The following TMEM178B variants were observed in gnomAD, a reference collection of about 807,000 sequenced individuals.
TMEM178B encodes transmembrane protein 178B.
TMEM178B carries 5 observed loss-of-function variants against 31.0 expected under a neutral mutation model. The ratio of observed to expected loss-of-function variants is 0.16; its 90% CI spans 0.08 to 0.34. The LOEUF (loss-of-function observed/expected upper bound fraction) is 0.34, where lower values mean the gene tolerates loss of function less well. TMEM178B is among the 10% of genes least tolerant of loss of function. TMEM178B has a pLI of 1.00. For synonymous variants in TMEM178B, 164 were observed against 164.0 expected, an observed-to-expected ratio of 1.00 and a Z score of 0.00; for missense variants, 275 against 400.3, an observed-to-expected ratio of 0.69 and a Z score of 2.67.
At chr7:141,453,725 G>A (rs537407597) in intron 3 of TMEM178B, among the ~76,000 whole-genome samples, 2 of 152,316 alleles carry the variant, frequency 1.3e-5, no homozygotes, top group East Asian at 1.9e-4. Context: ...ATTGCCCCTC[G>A]AAGGGCTTTC....
intron 1 of TMEM178B, among the ~76,000 whole-genome samples, chr7:141,177,871 C>A (rs909049169): frequency 2.0e-5 from 3 of 152,184 alleles, no homozygotes; most frequent in African/African-American, 4.8e-5. Context: ...ATACAGCACA[C>A]TGATAGGTCT....
intron 2 of TMEM178B, among the ~76,000 whole-genome samples, chr7:141,435,773 A>C (rs1432353638): frequency 5.9e-5 from 9 of 152,232 alleles, no homozygotes; most frequent in Admixed American, 5.2e-4. Flanking sequence ...CATGATAATC[A>C]GGCACCCTGG....
At chr7:141,197,952 G>T (rs1796811525) in intron 1 of TMEM178B, among the ~76,000 whole-genome samples, 1 of 152,148 alleles carries the variant, frequency 6.6e-6, no homozygotes, top group South Asian at 2.1e-4. Flanking sequence ...TCAAGTTTTA[G>T]CTAAGGCATA....
At chr7:141,491,489 A>G in the TMEM178B span, among the ~76,000 whole-genome samples, 1 of 152,098 alleles carries the variant, frequency 6.6e-6, no homozygotes, top group African/African-American at 2.4e-5. Flanking sequence ...ACATATTTTT[A>G]TTGAGGGAAA....
At chr7:141,418,509 A>G (rs111786062) in intron 2 of TMEM178B, among the ~76,000 whole-genome samples, 2,527 of 152,310 alleles carry the variant, frequency 0.017, 84 homozygotes, top group African/African-American at 0.058. Context: ...CTTATGTCTT[A>G]TTTGATCCCA....
intron 2 of TMEM178B, among the ~76,000 whole-genome samples, chr7:141,306,125 A>G (rs1798811754): frequency 6.6e-6 from 1 of 152,220 alleles, no homozygotes; most frequent in African/African-American, 2.4e-5. Context: ...TTGAATTCAC[A>G]TTCCAGATTC....
chr7:141,193,068 C>T (rs1275508894), intron 1 of TMEM178B, among the ~76,000 whole-genome samples: 1 of 152,222 alleles, frequency 6.6e-6, no homozygotes, highest in Non-Finnish European at 1.5e-5. Context: ...TTACCTCCAA[C>T]TCCTCTGCCC....
intron 2 of TMEM178B, among the ~76,000 whole-genome samples, chr7:141,426,893 A>G (rs1263314352): frequency 6.6e-6 from 1 of 152,182 alleles, no homozygotes; most frequent in Non-Finnish European, 1.5e-5. Flanking sequence ...CAAAATCAAC[A>G]TACAAAAACC....
intron 1 of TMEM178B, among the ~76,000 whole-genome samples, chr7:141,119,776 G>A (rs1324212134): frequency 6.6e-6 from 1 of 152,112 alleles, no homozygotes; most frequent in African/African-American, 2.4e-5. Flanking sequence ...GAATGTGAGA[G>A]GGCTTTGGAT....
intron 2 of TMEM178B, among the ~76,000 whole-genome samples, chr7:141,436,510 G>C (rs1801543689): frequency 6.6e-6 from 1 of 152,160 alleles, no homozygotes; most frequent in African/African-American, 2.4e-5. Context: ...TGGGTGGAGA[G>C]AGGGCCCAGG....
intron 2 of TMEM178B, among the ~76,000 whole-genome samples, chr7:141,360,681 G>A (rs1388521099): frequency 2.0e-5 from 3 of 152,202 alleles, no homozygotes; most frequent in Non-Finnish European, 4.4e-5. Flanking sequence ...GTAGGATAAA[G>A]AAACAACTTC....
intron 1 of TMEM178B, among the ~76,000 whole-genome samples, chr7:141,157,404 C>T (rs997755389): frequency 6.7e-6 from 1 of 150,226 alleles, no homozygotes; most frequent in Non-Finnish European, 1.5e-5. Flanking sequence ...AACAGATCCT[C>T]TCTTTCCTAC....
At chr7:141,348,762 C>T (rs767541356) in intron 2 of TMEM178B, among the ~76,000 whole-genome samples, 28 of 152,226 alleles carry the variant, frequency 1.8e-4, no homozygotes, top group Non-Finnish European at 3.1e-4. Context: ...CCTGAGTGGA[C>T]GGCTGATTTT....
In TMEM178B at chr7:141,166,029, C is replaced by T. The variant is rs557026594; in HGVS notation, c.383-46562C>T. 9.5e-4 allele frequency among the ~76,000 whole-genome samples: 145 copies of T among 152,256 alleles called. 1 individual carries two copies. The highest frequency in any genetic ancestry group is 2.6e-3 in the African/African-American group (108 of 41,536). ...TCTTTATTTGTTTCTTTCCAGGAAG[C>T]GACAAGCCTAGCTAGCTAAAAATTG... On this transcript the variant is annotated intron_variant, in intron 1 of 3. Coordinates refer to ENST00000565468, the MANE Select transcript of TMEM178B (RefSeq NM_001195278.2).
intron 2 of TMEM178B, among the ~76,000 whole-genome samples, chr7:141,308,928 A>C (rs1347858674): frequency 3.3e-5 from 5 of 152,124 alleles, no homozygotes; most frequent in African/African-American, 1.2e-4. Flanking sequence ...AGTCAAACAA[A>C]CATGGTATAA....
At chr7:141,225,349 TCAAAA>T (rs1797324605) in intron 2 of TMEM178B, among the ~76,000 whole-genome samples, 1 of 152,230 alleles carries the variant, frequency 6.6e-6, no homozygotes, top group Non-Finnish European at 1.5e-5. Flanking sequence ...GTCCATTTGT[TCAAAA>T]GAAATGAAAG....
At position 141,475,273 on chromosome 7, in the gene TMEM178B, C is replaced by A. The variant is rs999108382; in HGVS notation, c.*4487C>A. The stretch of plus-strand genomic sequence containing the variant: ...CCAGAGTTGACATACACACGTGATT[C>A]TCGTGTCTGTCTCTCAAAGCTCTCA... On this transcript the variant is annotated 3_prime_UTR_variant, in exon 4 of 4. Transcript: ENST00000565468. The A allele has an allele frequency of 2.0e-5, 3 of 152,154 alleles. No homozygotes were observed. Among genetic ancestry groups the A allele is most frequent in the African/African-American group, 7.2e-5 (3 of 41,432 alleles). 9.4% of individuals were successfully genotyped at this position (152,154 alleles called of 1,614,324 possible).
At chr7:141,407,542 C>T (rs1013895724) in intron 2 of TMEM178B, among the ~76,000 whole-genome samples, 7 of 152,262 alleles carry the variant, frequency 4.6e-5, no homozygotes, top group Middle Eastern at 3.4e-3. Flanking sequence ...TACATATATT[C>T]GTCTACGGCC....
intron 2 of TMEM178B, among the ~76,000 whole-genome samples, chr7:141,402,958 A>AT (rs1378705277): frequency 6.6e-6 from 1 of 152,206 alleles, no homozygotes; most frequent in Non-Finnish European, 1.5e-5. Context: ...TCAAAATGCT[A>AT]TTTTCCGTAA....
Sources: allele counts gnomAD v4.1 joint callset (sites outside exome capture counted in the v4.1 genomes callset), GRCh38; gene constraint gnomAD v4.1.1; transcripts MANE v1.5; gene names NCBI Gene and HGNC (gene_info 2026-07-23, HGNC 2026-07-21).